Variants in FAM228A observed in about 807,000 individuals in gnomAD.
The protein encoded by FAM228A is family with sequence similarity 228 member A.
FAM228A carries 13 observed loss-of-function variants against 18.6 expected under a neutral mutation model. The ratio of observed to expected loss-of-function variants is 0.70; its 90% CI spans 0.45 to 1.11. The LOEUF is 1.11. Among genes scored for constraint, FAM228A ranks in the 50% least tolerant of loss-of-function variants. The pLI is 0.00. For missense variants in FAM228A, 240 were observed against 242.2 expected, an observed-to-expected ratio of 0.99 and a Z score of 0.06; for synonymous variants, 77 against 86.6, an observed-to-expected ratio of 0.89 and a Z score of 0.61.
intron 5 of FAM228A, among the ~76,000 whole-genome samples, chr2:24,188,284 A>G (rs956544383): frequency 2.0e-5 from 3 of 152,130 alleles, no homozygotes; most frequent in Non-Finnish European, 4.4e-5. Context: ...GCTGGCATAC[A>G]TGTGCAGATT....
chr2:24,189,240 C>A (rs1014200567), intron 5 of FAM228A, among the ~76,000 whole-genome samples: 1 of 152,210 alleles, frequency 6.6e-6, no homozygotes, highest in East Asian at 1.9e-4. Flanking sequence ...CCCCTTATGA[C>A]AAAGCCCAGG....
At position 24,183,352 on chromosome 2, in the gene FAM228A, C is replaced by T. The variant is rs1346371713; in HGVS notation, c.230C>T (p.Thr77Ile). ...CAAGAGGTGGATGAAGAGAGGAGAA[C>T]TGGTCTTCAGTGTGAGACAGGTGCT... ...RQQEVDEERR[T>I]GLQCETGKRH... is the part of the protein sequence containing the mutation. Residue 77 changes from threonine (T) to isoleucine (I), a missense_variant, in exon 4 of 6, where the codon ACT becomes ATT. Transcript: ENST00000295150. 1.2e-6 allele frequency: 2 copies of T among 1,614,016 alleles called. No homozygotes were observed. Among genetic ancestry groups the T allele is most frequent in the South Asian group, 1.1e-5 (1 of 91,076 alleles).
intron 5 of FAM228A, among the ~76,000 whole-genome samples, 163 bp from the exon 6 acceptor site, chr2:24,190,249 C>T (rs918401482): frequency 5.3e-5 from 8 of 152,150 alleles, no homozygotes; most frequent in African/African-American, 9.7e-5. Context: ...AGCAGAGGTA[C>T]GGACAGGGCA....
In FAM228A at chr2:24,191,095, T is replaced by A. The variant is rs1326955832; in HGVS notation, c.*464T>A. On this transcript the variant is annotated 3_prime_UTR_variant, in exon 6 of 6. Transcript: ENST00000295150. Reference sequence around the variant, plus strand: ...GATATTTAAAAGGTATTTTTATATGTAGGAATTTTCTGAGTATGGATTTCT... The same window carrying A: ...GATATTTAAAAGGTATTTTTATATGAAGGAATTTTCTGAGTATGGATTTCT... The A allele has an allele frequency of 3.0e-6, 3 of 985,986 alleles. No individual in the cohort carries two copies. Among genetic ancestry groups the A allele is most frequent in the Non-Finnish European group, 3.6e-6 (3 of 830,300 alleles). 61.1% of individuals were successfully genotyped at this position (985,986 alleles called of 1,614,324 possible).
At chr2:24,177,979 C>T in intron 3 of FAM228A, 109 bp downstream of exon 3, 1 of 676,586 alleles carries the variant, frequency 1.5e-6, no homozygotes, top group Non-Finnish European at 2.5e-6. Flanking sequence ...ACTCATTTTG[C>T]AGGAGTAATG....
Position 24,175,535 on chromosome 2 carries a change from A to G in FAM228A, c.55A>G (p.Arg19Gly), listed in dbSNP as rs1667659628. The change falls in exon 2 of 6, where the codon AGA becomes GGA. Residue 19 changes from arginine (R) to glycine (G), a missense_variant. Physicochemically the swap from Arg to Gly is moderately radical, Grantham distance 125 (BLOSUM62 -2). Coordinates refer to ENST00000295150, the MANE Select transcript of FAM228A (RefSeq NM_001040710.3). The part of the protein sequence containing the change: ...YDEHFRPEKL[R>G]EWPEPESVSL... Reference sequence around the variant, plus strand: ...TGAACATTTCAGGCCAGAAAAGTTAAGAGAATGGCCGGAGCCCGAGTCCGT... The same window carrying G: ...TGAACATTTCAGGCCAGAAAAGTTAGGAGAATGGCCGGAGCCCGAGTCCGT... 1.2e-6 allele frequency: 2 copies of G among 1,614,090 alleles called. No homozygotes were observed. The highest frequency in any genetic ancestry group is 1.3e-5 in the African/African-American group (1 of 74,944).
chr2:24,180,878 T>A (rs116793576), intron 3 of FAM228A, among the ~76,000 whole-genome samples: 3,184 of 152,266 alleles, frequency 0.021, 32 homozygotes, highest in South Asian at 0.046. Context: ...TTGACACCAC[T>A]TTATAGGAAG....
At chr2:24,186,345 A>T (rs1306308376) in intron 5 of FAM228A, among the ~76,000 whole-genome samples, 1 of 152,118 alleles carries the variant, frequency 6.6e-6, no homozygotes, top group Admixed American at 6.5e-5. Context: ...CTTGTTTTCC[A>T]TTCCTTATAC....
chr2:24,182,164 G>T (rs1667830845), intron 3 of FAM228A, among the ~76,000 whole-genome samples: 1 of 152,186 alleles, frequency 6.6e-6, no homozygotes, highest in Non-Finnish European at 1.5e-5. Flanking sequence ...TTTTTAAACT[G>T]CCAATACAGG....
At chr2:24,175,677 G>T in intron 2 of FAM228A, 104 bp downstream of exon 2, 1 of 911,362 alleles carries the variant, frequency 1.1e-6, no homozygotes. Context: ...TTGTGACAGT[G>T]CCTGCTTTAA....
intron 5 of FAM228A, among the ~76,000 whole-genome samples, chr2:24,187,840 T>C (rs1243422944): frequency 6.6e-6 from 1 of 152,256 alleles, no homozygotes; most frequent in Non-Finnish European, 1.5e-5. Flanking sequence ...CCTTTGAAGG[T>C]AATCTGTCTT....
At chr2:24,178,319 C>A (rs1398167618) in intron 3 of FAM228A, among the ~76,000 whole-genome samples, 1 of 152,102 alleles carries the variant, frequency 6.6e-6, no homozygotes, top group African/African-American at 2.4e-5. Flanking sequence ...TATAATAATA[C>A]TTTGGGAGGC....
At chr2:24,188,252 T>G (rs1667998493) in intron 5 of FAM228A, among the ~76,000 whole-genome samples, 1 of 152,226 alleles carries the variant, frequency 6.6e-6, no homozygotes, top group Non-Finnish European at 1.5e-5. Flanking sequence ...TCTATTTGAT[T>G]TTTTTAATTT....
At chr2:24,179,765 C>G (rs934002145) in intron 3 of FAM228A, among the ~76,000 whole-genome samples, 3 of 152,210 alleles carry the variant, frequency 2.0e-5, no homozygotes, top group Admixed American at 2.0e-4. Context: ...TTCTCTTACC[C>G]TACTCCTTTG....
Position 24,183,387 on chromosome 2 carries a change from C to T in FAM228A, c.250+15C>T, listed in dbSNP as rs1196565287. ...GTGTGAGACAGGTGCTTTGTGATCA[C>T]TGGGCCTCATTTTTTTGAGACTGCT... On this transcript the variant is annotated intron_variant, in intron 4 of 5. Transcript: ENST00000295150. 1.2e-6 allele frequency: 2 copies of T among 1,612,048 alleles called. No homozygotes were observed. Among genetic ancestry groups the T allele is most frequent in the East Asian group, 2.2e-5 (1 of 44,882 alleles).
intron 3 of FAM228A, 72 bp from the exon 4 acceptor site, chr2:24,183,213 T>C (rs1198836247): frequency 9.0e-7 from 1 of 1,107,556 alleles, no homozygotes; most frequent in Non-Finnish European, 1.4e-6. Flanking sequence ...TTCCCATCTT[T>C]ATGTGGGACA....
intron 1 of FAM228A, 128 bp from the exon 2 acceptor site, chr2:24,175,339 T>G: frequency 1.4e-6 from 1 of 698,868 alleles, no homozygotes; most frequent in Non-Finnish European, 2.5e-6. Context: ...AGGATCCCAG[T>G]TTGTTGGGTG....
intron 5 of FAM228A, among the ~76,000 whole-genome samples, chr2:24,184,479 T>C (rs1409807244): frequency 6.6e-6 from 1 of 152,192 alleles, no homozygotes; most frequent in African/African-American, 2.4e-5. Flanking sequence ...CTCACCATTA[T>C]GTTTTTCAGA....
At chr2:24,177,237 C>T (rs991002321) in intron 2 of FAM228A, among the ~76,000 whole-genome samples, 1 of 152,138 alleles carries the variant, frequency 6.6e-6, no homozygotes, top group Non-Finnish European at 1.5e-5. Flanking sequence ...GTCAGGAGTT[C>T]GAGAGCAGCC....
Sources: allele counts gnomAD v4.1 joint callset (sites outside exome capture counted in the v4.1 genomes callset), GRCh38; gene constraint gnomAD v4.1.1; transcripts MANE v1.5; gene names NCBI Gene and HGNC (gene_info 2026-07-23, HGNC 2026-07-21).